MACF1: variants seen among roughly 807,000 people sequenced by gnomAD.
MACF1 encodes the protein microtubule-actin cross-linking factor 1.
A neutral mutation model predicts 854.8 loss-of-function variants in MACF1; 193 were observed. That is an observed-to-expected ratio of 0.23 (90% CI 0.20 to 0.25). The LOEUF (loss-of-function observed/expected upper bound fraction) is 0.25. Among genes scored for constraint, MACF1 ranks in the 10% least tolerant of loss-of-function variants. The probability of loss-of-function intolerance (pLI) is 1.00; values close to 1 mark genes in which losing one functional copy is unlikely to be tolerated. For synonymous variants in MACF1, 3,185 were observed against 3,226.7 expected (o/e 0.99, Z 0.44); for missense variants, 7,722 against 8,929.1 (o/e 0.86, Z 5.45).
intron 2 of MACF1, among the ~76,000 whole-genome samples, chr1:39,155,179 C>A (rs1275423140): frequency 6.6e-6 from 1 of 152,224 alleles, no homozygotes; most frequent in Non-Finnish European, 1.5e-5. Flanking sequence ...ACCCTCCTTT[C>A]CCAAGAGCCT....
intron 97 of MACF1, among the ~76,000 whole-genome samples, chr1:39,473,767 A>C (rs1399029495): frequency 6.6e-6 from 1 of 152,166 alleles, no homozygotes; most frequent in African/African-American, 2.4e-5. Context: ...TACTTACTGA[A>C]ACCCTAAATG....
chr1:39,329,722 GTTAAACACTTAAATAA>G (rs914013603), intron 36 of MACF1, among the ~76,000 whole-genome samples: 4 of 152,180 alleles, frequency 2.6e-5, no homozygotes, highest in Admixed American at 6.5e-5. Context: ...GTTGTAAGTG[GTTAAACACTTAAATAA>G]TTTAAAATCT....
chr1:39,292,945 G>T, intron 17 of MACF1, 102 bp downstream of exon 17: 1 of 895,142 alleles, frequency 1.1e-6, no homozygotes, highest in East Asian at 2.7e-5. Flanking sequence ...GCCCTGTTTT[G>T]GTTTTCTGCT....
intron 88 of MACF1, 64 bp downstream of exon 88, chr1:39,453,914 G>C: frequency 6.6e-7 from 1 of 1,513,108 alleles, no homozygotes; most frequent in Non-Finnish European, 9.0e-7. Flanking sequence ...GTATAGTATA[G>C]TATTTTTCCC....
chr1:39,176,125 A>AAAAAAAAAAAAAAAAAAAAC, intron 2 of MACF1, among the ~76,000 whole-genome samples: 1 of 132,008 alleles, frequency 7.6e-6, no homozygotes, highest in Non-Finnish European at 1.7e-5. Context: ...AAAAAAAAAA[A>AAAAAAAAAAAAAAAAAAAAC]AAGCCAGGTG....
chr1:39,388,114 A>G lies in MACF1; in HGVS notation c.15272A>G (p.His5091Arg), dbSNP rs1641870437. ...PDGSDASQLL[H>R]QAEVAQQEFL... is the part of the protein sequence containing the mutation. ...GGATCTGATGCTTCTCAACTTCTCC[A>G]CCAAGCTGAGGTCGCCCAGCAAGAG... Residue 5091 changes from histidine (H) to arginine (R), a missense_variant, in exon 58 of 101, where the codon CAC becomes CGC. His to Arg is a conservative substitution (Grantham distance 29). Transcript: ENST00000564288. The G allele has an allele frequency of 6.2e-7, 1 of 1,613,988 alleles. No homozygotes were observed. Among genetic ancestry groups the G allele is most frequent in the Admixed American group, 1.7e-5 (1 of 59,984 alleles).
intron 2 of MACF1, among the ~76,000 whole-genome samples, chr1:39,130,156 T>TC (rs1259280962): frequency 6.6e-6 from 1 of 152,038 alleles, no homozygotes; most frequent in Non-Finnish European, 1.5e-5. Flanking sequence ...AGTTTATTTT[T>TC]CCCCCCCATT....
rs1341423185 is a variant in MACF1, at chr1:39,485,572, G to A, written c.22446G>A (p.Arg7482=). The A allele has an allele frequency of 1.9e-6, 3 of 1,613,768 alleles. No individual in the cohort carries two copies. Among genetic ancestry groups the A allele is most frequent in the Non-Finnish European group, 2.5e-6 (3 of 1,179,834 alleles). ...AGTCTGCCAGTCGCCCTGGGAGTCGGGCTGGGAGTCGAGCCGGGAGTCGAG... is the reference window on the plus strand; with the variant it reads ...AGTCTGCCAGTCGCCCTGGGAGTCGAGCTGGGAGTCGAGCCGGGAGTCGAG... ...PKKSASRPGS[R]AGSRAGSRAS... The change falls in exon 101 of 101, where the codon CGG becomes CGA. Residue 7482 remains arginine (R), a synonymous_variant. Coordinates refer to ENST00000564288, the MANE Select transcript of MACF1 (RefSeq NM_001394062.1).
At chr1:39,473,190 A>G (rs932393910) in intron 97 of MACF1, among the ~76,000 whole-genome samples, 2 of 152,220 alleles carry the variant, frequency 1.3e-5, no homozygotes, top group Admixed American at 6.5e-5. Context: ...GCACCCAGCT[A>G]GGAAAGCAAG....
At chr1:39,178,051 A>G (rs1018079943) in intron 2 of MACF1, among the ~76,000 whole-genome samples, 1 of 151,812 alleles carries the variant, frequency 6.6e-6, no homozygotes, top group African/African-American at 2.4e-5. Flanking sequence ...TGTCAGGGAA[A>G]TCTTTATTCC....
chr1:39,452,245 C>T lies in MACF1; in HGVS notation c.20508C>T (p.Asp6836=), dbSNP rs751812676. 3.7e-6 allele frequency: 6 copies of T among 1,614,056 alleles called. No homozygotes were observed. In the Admixed American group the frequency reaches 5.0e-5, roughly 13 times the overall value. ...AGCTGATTGAGAATAGTCGAGATGA[C>T]ACCACTTGGGTAAAAGGACAGCTCC... ...GRELIENSRD[D]TTWVKGQLQE... is the part of the protein sequence containing the mutation. The change falls in exon 86 of 101, where the codon GAC becomes GAT. Residue 6836 remains aspartate (D), a synonymous_variant. Transcript: ENST00000564288.
intron 50 of MACF1, among the ~76,000 whole-genome samples, chr1:39,369,704 T>C (rs1456774117): frequency 5.3e-5 from 8 of 152,222 alleles, no homozygotes; most frequent in Non-Finnish European, 1.0e-4. Flanking sequence ...AGGGCCGGAA[T>C]TGAGATCCAA....
chr1:39,469,879 A>G (rs893178586), intron 97 of MACF1, among the ~76,000 whole-genome samples: 2 of 152,258 alleles, frequency 1.3e-5, no homozygotes, highest in African/African-American at 4.8e-5. Context: ...GTACTTTACA[A>G]GTAACACATT....
In MACF1 at chr1:39,179,112, A is replaced by G. The variant is rs1305127083; in HGVS notation, c.221-52070A>G. ...TTTGTTTGCAGTTTTGACTGAAGTC[A>G]TCTTATCTTAGCCAGGGCTGCCTGC... On this transcript the variant is annotated intron_variant, in intron 2 of 93. Coordinates refer to the MACF1 transcript ENST00000361689. 2.6e-5 allele frequency among the ~76,000 whole-genome samples: 4 copies of G among 152,338 alleles called. No individual in the cohort carries two copies. In the East Asian group the frequency reaches 7.7e-4, roughly 29 times the overall value.
At position 39,122,952 on chromosome 1, in the gene MACF1, A is replaced by C. The variant is rs1355469017; in HGVS notation, c.220+38514A>C. 2.1e-5 allele frequency among the ~76,000 whole-genome samples: 3 copies of C among 143,724 alleles called. No individual in the cohort carries two copies. The East Asian group carries it at 7.2e-4, about 34-fold the overall frequency. 94.3% of individuals were successfully genotyped at this position (143,724 alleles called of 152,430 possible). Reference sequence around the variant, plus strand: ...CTTTATGTAGCCTACCTTAGAAAGGAGGGTGGGGTCTGGGAGGGGAGAGGA... The same window carrying C: ...CTTTATGTAGCCTACCTTAGAAAGGCGGGTGGGGTCTGGGAGGGGAGAGGA... On this transcript the variant is annotated intron_variant, in intron 2 of 93. Coordinates refer to the MACF1 transcript ENST00000361689.
Position 39,469,750 on chromosome 1 carries a change from T to G in MACF1, c.21958+135T>G, listed in dbSNP as rs1217663674. On this transcript the variant is annotated intron_variant, in intron 97 of 100. Transcript: ENST00000564288. ...TGCTTGAAATGGCCAAACCATAGCT[T>G]TTCTAACTACTCAAGTTGATGGTGC... 3 of 690,084 alleles carry G rather than the reference T, an allele frequency of 4.3e-6. No homozygotes were observed. The African/African-American group carries it at 5.4e-5, about 12-fold the overall frequency. 42.7% of individuals were successfully genotyped at this position (690,084 alleles called of 1,614,324 possible).
chr1:39,404,606 CA>C (rs1459354350), intron 58 of MACF1, among the ~76,000 whole-genome samples: 2 of 152,198 alleles, frequency 1.3e-5, no homozygotes, highest in Admixed American at 1.3e-4. Context: ...TTTCTCAGCT[CA>C]ACCTCCCAAG....
chr1:39,461,936 G>C lies in MACF1; in HGVS notation c.21577G>C (p.Asp7193His). Residue 7193 changes from aspartate (D) to histidine (H), a missense_variant, in exon 93 of 101, where the codon GAT becomes CAT. Asp to His is a moderately conservative substitution (Grantham distance 81). This residue lies in a region of MACF1 where 153 missense variants were observed against 342.5 expected (regional missense o/e 0.45). Coordinates refer to ENST00000564288, the MANE Select transcript of MACF1 (RefSeq NM_001394062.1). ...MTAVADIFDRDGDGYIDYYEF... is the reference protein window; with the variant it reads ...MTAVADIFDRHGDGYIDYYEF... ...TGCTGTGGCTGACATTTTCGACCGA[G>C]ATGGGGATGGTTACATTGATTATTA... 1.2e-6 allele frequency: 2 copies of C among 1,613,918 alleles called. No homozygotes were observed. Among genetic ancestry groups the C allele is most frequent in the Non-Finnish European group, 1.7e-6 (2 of 1,179,996 alleles).
At position 39,387,790 on chromosome 1, in the gene MACF1, A is replaced by T; in HGVS notation, c.14948A>T (p.Glu4983Val). The change falls in exon 58 of 101, where the codon GAG becomes GTG. Residue 4983 changes from glutamate (E) to valine (V), a missense_variant. Physicochemically the swap from Glu to Val is moderately radical, Grantham distance 121. Coordinates refer to ENST00000564288, the MANE Select transcript of MACF1 (RefSeq NM_001394062.1). ...SEADEDGIRD[E>V]KAGINQNMDA... Reference sequence around the variant, plus strand: ...GCAGATGAGGATGGAATCCGGGATGAGAAGGCTGGGATCAACCAGAACATG... The same window carrying T: ...GCAGATGAGGATGGAATCCGGGATGTGAAGGCTGGGATCAACCAGAACATG... The T allele has an allele frequency of 6.2e-7, 1 of 1,614,190 alleles. No homozygotes were observed. Among genetic ancestry groups the T allele is most frequent in the Non-Finnish European group, 8.5e-7 (1 of 1,180,038 alleles).
Sources: gnomAD v4.1 joint callset for allele counts (sites outside exome capture counted in the v4.1 genomes callset) on GRCh38, gnomAD v4.1.1 for gene constraint, gnomAD v4.1.1 regional missense constraint, MANE v1.5 for transcripts, NCBI Gene and HGNC (gene_info 2026-07-23, HGNC 2026-07-21) for gene names.